The following ZNF532 variants were observed in gnomAD, a reference collection of about 807,000 sequenced individuals.
The protein encoded by ZNF532 is zinc finger protein 532.
In ZNF532, 22 loss-of-function variants were observed where a neutral mutation model predicts 89.3. That is an observed-to-expected ratio of 0.25 (90% CI 0.18 to 0.35). The LOEUF (loss-of-function observed/expected upper bound fraction) is 0.35. ZNF532 is among the 10% of genes least tolerant of loss of function. The probability of loss-of-function intolerance (pLI) is 1.00; values close to 1 mark genes in which losing one functional copy is unlikely to be tolerated. For synonymous variants in ZNF532, 606 were observed against 649.6 expected, an observed-to-expected ratio of 0.93 and a Z score of 1.02; for missense variants, 1,132 against 1,643.4, an observed-to-expected ratio of 0.69 and a Z score of 5.38.
rs144317487 is a variant in ZNF532, at chr18:58,964,617, C to T, written c.3150+10818C>T. 3.4e-3 allele frequency among the ~76,000 whole-genome samples: 507 copies of T among 151,050 alleles called. 5 individuals carry two copies. Among genetic ancestry groups the T allele is most frequent in the African/African-American group, 0.012 (474 of 41,058 alleles). The stretch of plus-strand genomic sequence containing the variant: ...TTCTTTTTTTTTTTAGACAGAGTCT[C>T]GCTCTGTCGCTCAGGCTGGAGTGCA... On this transcript the variant is annotated intron_variant, in intron 7 of 9. Coordinates refer to ENST00000591808, the MANE Select transcript of ZNF532 (RefSeq NM_001375912.1).
intron 3 of ZNF532, among the ~76,000 whole-genome samples, chr18:58,925,165 A>G (rs1320273449): frequency 1.3e-5 from 2 of 152,172 alleles, no homozygotes; most frequent in East Asian, 3.8e-4. Context: ...GCTGTTTTAC[A>G]TGGTATTTGC....
At chr18:58,945,865 C>T (rs1325976373) in intron 5 of ZNF532, among the ~76,000 whole-genome samples, 4 of 151,910 alleles carry the variant, frequency 2.6e-5, no homozygotes, top group Non-Finnish European at 1.5e-5. Flanking sequence ...GTAGCTGGGA[C>T]TACAGGTGCA....
chr18:58,929,672 T>TGACA, intron 3 of ZNF532, among the ~76,000 whole-genome samples: 1 of 152,368 alleles, frequency 6.6e-6, no homozygotes, highest in Admixed American at 6.5e-5. Flanking sequence ...TCTGTAAATT[T>TGACA]GTTCATTTAA....
chr18:58,913,596 A>T (rs1160715539), intron 2 of ZNF532, among the ~76,000 whole-genome samples: 1 of 147,208 alleles, frequency 6.8e-6, no homozygotes, highest in East Asian at 2.2e-4. Context: ...AAAGAAAGGG[A>T]AAGGAAAAAA....
At chr18:58,903,151 G>T (rs2059708621) in intron 2 of ZNF532, among the ~76,000 whole-genome samples, 1 of 152,080 alleles carries the variant, frequency 6.6e-6, no homozygotes, top group Admixed American at 6.5e-5. Flanking sequence ...TCCCCTTTTG[G>T]AAGATGAGGA....
chr18:58,894,218 A>C (rs1182530481), intron 2 of ZNF532, among the ~76,000 whole-genome samples: 2 of 152,120 alleles, frequency 1.3e-5, no homozygotes, highest in East Asian at 1.9e-4. Context: ...TAATCCTAGC[A>C]CTTTGGGAGG....
chr18:58,915,665 G>A (rs548476253), intron 2 of ZNF532, among the ~76,000 whole-genome samples: 5 of 152,172 alleles, frequency 3.3e-5, no homozygotes, highest in Admixed American at 6.5e-5. Flanking sequence ...GTTCCTGTAC[G>A]TGCAACAGCA....
intron 2 of ZNF532, among the ~76,000 whole-genome samples, chr18:58,906,205 A>G (rs1006831166): frequency 2.0e-5 from 3 of 152,184 alleles, no homozygotes; most frequent in South Asian, 2.1e-4. Context: ...TCTTCACTGC[A>G]TAAGGGTGGG....
At chr18:58,870,854 C>T (rs144751919) in intron 2 of ZNF532, among the ~76,000 whole-genome samples, 6 of 152,136 alleles carry the variant, frequency 3.9e-5, no homozygotes, top group Admixed American at 1.3e-4. Flanking sequence ...TAGCAAATTC[C>T]GAAGGCAGAA....
At chr18:58,894,437 A>C (rs1245096492) in intron 2 of ZNF532, among the ~76,000 whole-genome samples, 1 of 150,438 alleles carries the variant, frequency 6.6e-6, no homozygotes, top group African/African-American at 2.5e-5. Flanking sequence ...ACTGCACTCC[A>C]GCCTGGGTGA....
chr18:58,919,494 G>A lies in ZNF532; in HGVS notation c.1207G>A (p.Val403Met). The stretch of plus-strand genomic sequence containing the variant: ...GCAGACAGCGTCCGTGATGGCCTCT[G>A]TGACATCCCTTCTGTCGTCTCCAGC... ...SEQTASVMAS[V>M]TSLLSSPASA... The change falls in exon 3 of 10, where the codon GTG becomes ATG. Residue 403 changes from valine to methionine, a missense_variant. Physicochemically the swap from Val to Met is conservative, Grantham distance 21. Transcript: ENST00000591808. The surrounding 1 kb of genome is among the most constrained non-coding windows in gnomAD (Gnocchi z 6.1). 1 of 1,614,202 alleles carries A rather than the reference G, an allele frequency of 6.2e-7. No homozygotes were observed. Among genetic ancestry groups the A allele is most frequent in the African/African-American group, 1.3e-5 (1 of 75,048 alleles).
chr18:58,902,672 A>G (rs992730358), intron 2 of ZNF532, among the ~76,000 whole-genome samples: 2 of 151,798 alleles, frequency 1.3e-5, no homozygotes, highest in Non-Finnish European at 2.9e-5. Flanking sequence ...TTGTATTTTT[A>G]GTAGAGACAG....
At chr18:58,899,267 G>C (rs12454134) in intron 2 of ZNF532, among the ~76,000 whole-genome samples, 12,736 of 152,250 alleles carry the variant, frequency 0.084, 1,004 homozygotes, top group East Asian at 0.38. Flanking sequence ...AAGATGCTCA[G>C]ATAAACAGTG....
intron 2 of ZNF532, among the ~76,000 whole-genome samples, chr18:58,880,302 C>T (rs557802970): frequency 5.7e-4 from 87 of 152,292 alleles, no homozygotes; most frequent in African/African-American, 2.1e-3. Flanking sequence ...TATTTGGAGC[C>T]ATTTTGAGAT....
At chr18:58,977,322 C>T (rs946583135) in intron 7 of ZNF532, among the ~76,000 whole-genome samples, 7 of 152,114 alleles carry the variant, frequency 4.6e-5, no homozygotes, top group South Asian at 4.1e-4. Context: ...TAATCATCCC[C>T]GTGTTCTCGA....
At chr18:58,939,895 A>ATT (rs201906499) in intron 5 of ZNF532, 162 of 190,064 alleles carry the variant, frequency 8.5e-4, no homozygotes, top group Middle Eastern at 2.0e-3. Context: ...CTTAAGATGA[A>ATT]TTTTTTTTTT....
At chr18:58,872,832 T>A (rs1330132522) in intron 2 of ZNF532, among the ~76,000 whole-genome samples, 1 of 152,068 alleles carries the variant, frequency 6.6e-6, no homozygotes, top group East Asian at 1.9e-4. Flanking sequence ...CCTGAGTAGC[T>A]GGGATTACAG....
At chr18:58,931,944 C>T (rs2061999520) in intron 3 of ZNF532, among the ~76,000 whole-genome samples, 1 of 151,918 alleles carries the variant, frequency 6.6e-6, no homozygotes, top group South Asian at 2.1e-4. Context: ...TATCTCAAAA[C>T]AACAACAATA....
intron 2 of ZNF532, among the ~76,000 whole-genome samples, chr18:58,880,697 C>G (rs2057806380): frequency 6.7e-6 from 1 of 148,918 alleles, no homozygotes; most frequent in South Asian, 2.1e-4. Flanking sequence ...TTGTTCAAAC[C>G]TAAAGTTCAG....
Sources: gnomAD v4.1 joint callset for allele counts (sites outside exome capture counted in the v4.1 genomes callset) on GRCh38, gnomAD v4.1.1 for gene constraint, Gnocchi (gnomAD v3.1) non-coding constraint, MANE v1.5 for transcripts, NCBI Gene and HGNC (gene_info 2026-07-23, HGNC 2026-07-21) for gene names.